Variants in DLG2 observed in about 807,000 individuals in gnomAD.
DLG2 encodes the protein disks large homolog 2.
Under a neutral mutation model 132.5 loss-of-function variants are expected in DLG2, and 45 were observed. The ratio of observed to expected loss-of-function variants is 0.34; its 90% CI spans 0.27 to 0.44. The LOEUF (loss-of-function observed/expected upper bound fraction) is 0.44, where lower values mean the gene tolerates loss of function less well. Ranked by LOEUF, DLG2 falls within the 20% of genes least tolerant of loss-of-function variation. The pLI, the probability that DLG2 is intolerant of heterozygous loss-of-function variation, is 1.00. For missense variants in DLG2, 1,045 were observed against 1,196.9 expected, an observed-to-expected ratio of 0.87 and a Z score of 1.87; for synonymous variants, 424 against 419.6, an observed-to-expected ratio of 1.01 and a Z score of -0.13.
chr11:85,055,389 A>G (rs1191237759), intron 6 of DLG2, among the ~76,000 whole-genome samples: 1 of 152,188 alleles, frequency 6.6e-6, no homozygotes, highest in Non-Finnish European at 1.5e-5. Context: ...GAAGTCAGCC[A>G]GGACTTATGG....
chr11:85,601,591 G>A (rs553273075), intron 2 of DLG2, among the ~76,000 whole-genome samples: 14 of 152,160 alleles, frequency 9.2e-5, no homozygotes, highest in African/African-American at 2.2e-4. Context: ...CACCCACCTC[G>A]GCCTCCCAAA....
At chr11:85,601,340 T>C (rs2080141761) in intron 2 of DLG2, among the ~76,000 whole-genome samples, 1 of 151,606 alleles carries the variant, frequency 6.6e-6, no homozygotes, top group African/African-American at 2.4e-5. Context: ...AGTGGTTGAG[T>C]TTAACTTTTT....
rs1369895254 is a variant in DLG2, at chr11:84,099,819, AGATATATATATCTAAAGC to A, written c.625-790_625-773del. Among the ~76,000 whole-genome samples, 84 of 129,180 alleles carry A rather than the reference AGATATATATATCTAAAGC, an allele frequency of 6.5e-4. 3 individuals carry two copies. The highest frequency in any genetic ancestry group is 1.5e-3 in the East Asian group (7 of 4,524). 84.7% of individuals were successfully genotyped at this position (129,180 alleles called of 152,430 possible). A position where few individuals can be genotyped will look rare whatever the true frequency, so the allele number is the denominator to read the frequency against. ...TATATAAGGATATATATATCTAAAG[AGATATATATATCTAAAGC>A]GATATATATATATCTAAAGAGATAT... On this transcript the variant is annotated intron_variant, in intron 9 of 27. Transcript: ENST00000376104.
chr11:84,409,238 AT>A (rs1487276024), intron 7 of DLG2, among the ~76,000 whole-genome samples: 3 of 152,208 alleles, frequency 2.0e-5, no homozygotes, highest in Non-Finnish European at 4.4e-5. Context: ...CAGACCAGCC[AT>A]TTAGCAATTA....
At chr11:84,718,917 T>C (rs1245795116) in intron 6 of DLG2, among the ~76,000 whole-genome samples, 1 of 152,196 alleles carries the variant, frequency 6.6e-6, no homozygotes, top group African/African-American at 2.4e-5. Flanking sequence ...GGGCAATATA[T>C]TTTTTAACCA....
intron 9 of DLG2, among the ~76,000 whole-genome samples, chr11:84,129,809 C>T (rs1042218621): frequency 6.6e-6 from 1 of 151,834 alleles, no homozygotes; most frequent in Admixed American, 6.6e-5. Flanking sequence ...CTCCTCCTTG[C>T]CCCCAAAAGC....
intron 6 of DLG2, among the ~76,000 whole-genome samples, chr11:84,797,646 G>C (rs961486463): frequency 2.0e-5 from 3 of 152,170 alleles, no homozygotes; most frequent in Admixed American, 6.5e-5. Context: ...TCTTGAATTA[G>C]ATTGAGCTTC....
intron 6 of DLG2, among the ~76,000 whole-genome samples, chr11:84,568,994 G>A (rs972957271): frequency 2.0e-5 from 3 of 152,064 alleles, no homozygotes; most frequent in African/African-American, 7.2e-5. Context: ...AAATCACAAA[G>A]AGCAAAATTG....
chr11:84,647,527 C>T (rs1342414365), intron 6 of DLG2, among the ~76,000 whole-genome samples: 1 of 152,112 alleles, frequency 6.6e-6, no homozygotes, highest in Non-Finnish European at 1.5e-5. Context: ...AAAATTTTGT[C>T]CTGTGTAAAT....
intron 19 of DLG2, among the ~76,000 whole-genome samples, chr11:83,575,461 C>A (rs1171125097): frequency 6.6e-6 from 1 of 152,058 alleles, no homozygotes; most frequent in Admixed American, 6.6e-5. Flanking sequence ...GAGAGCTGCA[C>A]AGAAAGAAAA....
At chr11:83,673,305 G>T (rs905379133) in intron 18 of DLG2, among the ~76,000 whole-genome samples, 2 of 152,104 alleles carry the variant, frequency 1.3e-5, no homozygotes, top group South Asian at 4.2e-4. Context: ...TTTAAAGATG[G>T]AAAGCAACAC....
chr11:84,999,294 C>T (rs561190431), intron 6 of DLG2, among the ~76,000 whole-genome samples: 4 of 152,114 alleles, frequency 2.6e-5, no homozygotes, highest in Non-Finnish European at 5.9e-5. Flanking sequence ...AATATTTTTA[C>T]TCATTTTTTA....
chr11:83,918,332 C>T (rs559075673), intron 15 of DLG2, among the ~76,000 whole-genome samples: 11 of 152,234 alleles, frequency 7.2e-5, no homozygotes, highest in East Asian at 3.9e-4. Flanking sequence ...TAGGTGCTCT[C>T]GACCTATTGG....
chr11:84,517,487 A>G (rs1291817306), intron 7 of DLG2, among the ~76,000 whole-genome samples: 2 of 152,020 alleles, frequency 1.3e-5, no homozygotes, highest in Non-Finnish European at 2.9e-5. Flanking sequence ...TCAAAAAGAC[A>G]AAGATAATAA....
intron 4 of DLG2, among the ~76,000 whole-genome samples, chr11:85,246,155 T>C (rs1308133025): frequency 6.6e-6 from 1 of 152,016 alleles, no homozygotes; most frequent in Non-Finnish European, 1.5e-5. Flanking sequence ...GTATCTTTAT[T>C]GATTTTGCTC....
chr11:84,777,291 A>G (rs1210637887), intron 6 of DLG2, among the ~76,000 whole-genome samples: 83 of 25,380 alleles, frequency 3.3e-3, no homozygotes, highest in African/African-American at 7.3e-3. Flanking sequence ...GTATATATAT[A>G]TATATATATA....
At chr11:83,947,946 T>C (rs1003948091) in intron 14 of DLG2, among the ~76,000 whole-genome samples, 1 of 152,170 alleles carries the variant, frequency 6.6e-6, no homozygotes, top group African/African-American at 2.4e-5. Context: ...CATCTCTCCG[T>C]CCATTTTGTA....
chr11:84,648,890 T>C (rs984644555), intron 6 of DLG2, among the ~76,000 whole-genome samples: 1 of 151,976 alleles, frequency 6.6e-6, no homozygotes, highest in African/African-American at 2.4e-5. Flanking sequence ...CAAATAAAAA[T>C]TTTTTTCTTT....
At chr11:84,368,478 C>G (rs150607119) in intron 7 of DLG2, among the ~76,000 whole-genome samples, 3 of 152,162 alleles carry the variant, frequency 2.0e-5, no homozygotes, top group Non-Finnish European at 4.4e-5. Flanking sequence ...AAACCATCTA[C>G]TAGATCAAGT....
Sources: gnomAD v4.1 joint callset for allele counts (sites outside exome capture counted in the v4.1 genomes callset) on GRCh38, gnomAD v4.1.1 for gene constraint, MANE v1.5 for transcripts, NCBI Gene and HGNC (gene_info 2026-07-23, HGNC 2026-07-21) for gene names.